Variants in MYCBP2 observed in about 807,000 individuals in gnomAD.
MYCBP2 encodes the protein MYC binding protein 2.
A neutral mutation model predicts 525.3 loss-of-function variants in MYCBP2; 120 were observed. That is an observed-to-expected ratio of 0.23 (90% confidence interval 0.20 to 0.27). The LOEUF is 0.27. MYCBP2 is among the 10% of genes least tolerant of loss of function. MYCBP2 has a pLI of 1.00. For missense variants in MYCBP2, 4,149 were observed against 5,657.1 expected, an observed-to-expected ratio of 0.73 and a Z score of 8.55; for synonymous variants, 1,894 against 1,955.8, an observed-to-expected ratio of 0.97 and a Z score of 0.83.
rs1306630825 is a variant in MYCBP2, at chr13:77,064,748, C to G, written c.12553-14G>C. ...TGACAGATGACCCTATTGAGCAGAA[C>G]AGAGTATTTTAATAAGTGACCAGAA... On this transcript the variant is annotated splice_polypyrimidine_tract_variant and intron_variant, in intron 72 of 82. Transcript: ENST00000544440. 2 of 1,604,556 alleles carry G rather than the reference C, an allele frequency of 1.2e-6. No homozygotes were observed. The highest frequency in any genetic ancestry group is 1.7e-6 in the Non-Finnish European group (2 of 1,175,972).
At chr13:77,248,825 C>T (rs908139721) in intron 15 of MYCBP2, among the ~76,000 whole-genome samples, 4 of 152,256 alleles carry the variant, frequency 2.6e-5, no homozygotes, top group South Asian at 2.1e-4. Flanking sequence ...ATCTTCACAG[C>T]GCATTACTCA....
intron 20 of MYCBP2, among the ~76,000 whole-genome samples, chr13:77,221,097 G>GACT (rs1255393706): frequency 3.9e-5 from 6 of 152,104 alleles, no homozygotes; most frequent in Admixed American, 3.9e-4. Context: ...CAGGTTCGAT[G>GACT]ACTATGTAGC....
intron 44 of MYCBP2, among the ~76,000 whole-genome samples, chr13:77,158,562 C>G (rs2057487946): frequency 6.6e-6 from 1 of 152,166 alleles, no homozygotes; most frequent in African/African-American, 2.4e-5. Flanking sequence ...TCTGCCTCAG[C>G]CTCCCAAGTA....
At chr13:77,285,422 A>C (rs537722225) in intron 3 of MYCBP2, among the ~76,000 whole-genome samples, 4 of 152,332 alleles carry the variant, frequency 2.6e-5, no homozygotes, top group African/African-American at 9.6e-5. Context: ...AAGAAATTAC[A>C]ATTAGAGACC....
chr13:77,060,347 G>T (rs2039044371), intron 76 of MYCBP2, among the ~76,000 whole-genome samples: 1 of 152,194 alleles, frequency 6.6e-6, no homozygotes, highest in Admixed American at 6.5e-5. Flanking sequence ...ATTTATTAAT[G>T]CAGTATACAG....
At chr13:77,048,133 A>AGCTGTGGGAGGTGAT (rs2035978066) in intron 82 of MYCBP2, among the ~76,000 whole-genome samples, 1 of 151,998 alleles carries the variant, frequency 6.6e-6, no homozygotes. Flanking sequence ...TAGGAGGTGG[A>AGCTGTGGGAGGTGAT]GCTGTGGGAG....
chr13:77,316,183 A>G (rs956680967), intron 1 of MYCBP2, among the ~76,000 whole-genome samples: 2 of 152,200 alleles, frequency 1.3e-5, no homozygotes, highest in African/African-American at 4.8e-5. Flanking sequence ...GGGAATTTAC[A>G]AAACTATTAA....
intron 13 of MYCBP2, among the ~76,000 whole-genome samples, chr13:77,259,378 G>A (rs1288171738): frequency 6.6e-6 from 1 of 152,148 alleles, no homozygotes; most frequent in Admixed American, 6.5e-5. Context: ...CCTCAAAAAG[G>A]CAGTATCCAG....
At chr13:77,234,233 T>A (rs1316945917) in intron 17 of MYCBP2, among the ~76,000 whole-genome samples, 1 of 151,970 alleles carries the variant, frequency 6.6e-6, no homozygotes, top group Non-Finnish European at 1.5e-5. Flanking sequence ...TTTAACAACA[T>A]CAAAAATGTC....
At chr13:77,129,739 ATAAAAAGTCTGAG>A (rs989821731) in intron 52 of MYCBP2, 1 of 151,996 alleles carries the variant, frequency 6.6e-6, no homozygotes, top group Non-Finnish European at 1.5e-5. Context: ...AAAGTAAAAA[ATAAAAAGTCTGAG>A]TCATTTTTTT....
chr13:77,216,030 T>C (rs1489817206), intron 21 of MYCBP2, among the ~76,000 whole-genome samples: 1 of 152,140 alleles, frequency 6.6e-6, no homozygotes, highest in Non-Finnish European at 1.5e-5. Flanking sequence ...CTTGGAGAAA[T>C]GGCTGATTCT....
chr13:77,173,270 T>A (rs917815054), intron 37 of MYCBP2, among the ~76,000 whole-genome samples: 4 of 152,186 alleles, frequency 2.6e-5, no homozygotes, highest in Non-Finnish European at 5.9e-5. Context: ...GTATAAGATA[T>A]AAAGTTTGGA....
intron 4 of MYCBP2, 131 bp downstream of exon 4, chr13:77,278,627 A>G (rs1567137188): frequency 1.4e-6 from 1 of 708,736 alleles, no homozygotes. Flanking sequence ...AACATCTATC[A>G]CCTCAAGTAC....
In MYCBP2 at chr13:77,188,957, G is replaced by C; in HGVS notation, c.4245C>G (p.Val1415=). Residue 1415 remains valine (V), a synonymous_variant, in exon 30 of 83, where the codon GTC becomes GTG. Transcript: ENST00000544440. ...TTTTTAAAACATGGCTTACCACTGA[G>C]ACAGTTCTTGCAAAAGACCTCTTTA... The part of the protein sequence containing the change: ...HILKRSFART[V]SVECFESLLS... 1 of 1,595,126 alleles carries C rather than the reference G, an allele frequency of 6.3e-7. No individual in the cohort carries two copies. The highest frequency in any genetic ancestry group is 1.1e-5 in the South Asian group (1 of 88,084).
chr13:77,204,240 C>T (rs1194368621), intron 26 of MYCBP2, among the ~76,000 whole-genome samples: 2 of 152,012 alleles, frequency 1.3e-5, no homozygotes, highest in African/African-American at 2.4e-5. Context: ...GGGTGAAGGA[C>T]ATGAACAGAC....
intron 52 of MYCBP2, 30 bp downstream of exon 52, chr13:77,139,166 T>A: frequency 1.2e-6 from 2 of 1,607,754 alleles, no homozygotes; most frequent in Non-Finnish European, 1.7e-6. Context: ...CGTGTATCTA[T>A]AATGCTTTTT....
chr13:77,236,583 G>C (rs1323733577), intron 17 of MYCBP2, among the ~76,000 whole-genome samples: 1 of 152,072 alleles, frequency 6.6e-6, no homozygotes, highest in African/African-American at 2.4e-5. Flanking sequence ...ATACCCAAAT[G>C]AAAGTAATTA....
intron 15 of MYCBP2, among the ~76,000 whole-genome samples, chr13:77,248,235 C>A (rs374228593): frequency 6.6e-6 from 1 of 150,812 alleles, no homozygotes; most frequent in African/African-American, 2.4e-5. Flanking sequence ...AAGGCACAGG[C>A]GACAATAACC....
intron 21 of MYCBP2, among the ~76,000 whole-genome samples, chr13:77,216,977 G>A (rs992827536): frequency 9.2e-5 from 14 of 152,280 alleles, no homozygotes; most frequent in African/African-American, 2.2e-4. Flanking sequence ...CACACACTGC[G>A]TGTGTGAGAA....
Sources: allele counts gnomAD v4.1 joint callset (sites outside exome capture counted in the v4.1 genomes callset), GRCh38; gene constraint gnomAD v4.1.1; transcripts MANE v1.5; gene names NCBI Gene and HGNC (gene_info 2026-07-23, HGNC 2026-07-21).